The following AK7 variants were observed in gnomAD, a reference collection of about 807,000 sequenced individuals.
AK7 encodes adenylate kinase 7.
In AK7, 78 loss-of-function variants were observed where a neutral mutation model predicts 96.6. The ratio of observed to expected loss-of-function variants is 0.81; its 90% CI spans 0.67 to 0.97. The LOEUF (loss-of-function observed/expected upper bound fraction) is 0.97, where lower values mean the gene tolerates loss of function less well. AK7 is among the 50% of genes least tolerant of loss of function. The pLI is 0.00. For missense variants in AK7, 855 were observed against 887.9 expected, an observed-to-expected ratio of 0.96 and a Z score of 0.47; for synonymous variants, 302 against 317.2, an observed-to-expected ratio of 0.95 and a Z score of 0.51.
At position 96,408,880 on chromosome 14, in the gene AK7, G is replaced by T; in HGVS notation, c.437G>T (p.Arg146Leu). Reference protein sequence around the residue: ...LSEEVSHFEKRKLFILLSTVM... With the variant: ...LSEEVSHFEKLKLFILLSTVM... Reference sequence around the variant, plus strand: ...GAAGAAGTCAGCCACTTTGAAAAGCGAAAGCTATTTATTTTACTGTCGACG... The same window carrying T: ...GAAGAAGTCAGCCACTTTGAAAAGCTAAAGCTATTTATTTTACTGTCGACG... The change falls in exon 4 of 18, where the codon CGA (arginine) becomes CTA (leucine). Residue 146 changes from arginine to leucine, a missense_variant. By Grantham distance (102) the Arg-to-Leu change is moderately radical. Transcript: ENST00000267584. 2 of 1,614,232 alleles carry T rather than the reference G, an allele frequency of 1.2e-6. No homozygotes were observed. Among genetic ancestry groups the T allele is most frequent in the South Asian group, 2.2e-5 (2 of 91,088 alleles).
At chr14:96,412,309 C>T (rs1165600152) in intron 4 of AK7, among the ~76,000 whole-genome samples, 1 of 149,542 alleles carries the variant, frequency 6.7e-6, no homozygotes, top group African/African-American at 2.5e-5. Flanking sequence ...CTCACTGCAA[C>T]CTCCGCCTCC....
chr14:96,474,337 C>T (rs1466585772), intron 14 of AK7, among the ~76,000 whole-genome samples: 1 of 151,286 alleles, frequency 6.6e-6, no homozygotes, highest in Admixed American at 6.6e-5. Context: ...GTTGATTGGC[C>T]AGACACAGTG....
chr14:96,395,800 ATTTTTTTTTTTTTTTT>A (rs1172936912), intron 1 of AK7, among the ~76,000 whole-genome samples: 1 of 69,036 alleles, frequency 1.4e-5, no homozygotes, highest in African/African-American at 5.8e-5. Flanking sequence ...TTGATTTTGA[ATTTTTTTTTTTTTTTT>A]TTTTTTTTTT....
intron 4 of AK7, among the ~76,000 whole-genome samples, chr14:96,413,734 T>C (rs140097433): frequency 1.3e-5 from 2 of 152,356 alleles, no homozygotes; most frequent in African/African-American, 4.8e-5. Flanking sequence ...TTATGCTTAA[T>C]TGAAATCAGT....
At chr14:96,468,263 C>A (rs1362096269) in intron 12 of AK7, among the ~76,000 whole-genome samples, 2 of 143,308 alleles carry the variant, frequency 1.4e-5, no homozygotes, top group Non-Finnish European at 3.0e-5. Context: ...ATGAGGCAGA[C>A]TTCCTACAAA....
At chr14:96,447,016 T>G (rs112395897) in intron 8 of AK7, among the ~76,000 whole-genome samples, 1 of 152,148 alleles carries the variant, frequency 6.6e-6, no homozygotes, top group African/African-American at 2.4e-5. Context: ...CTAACAAAAC[T>G]GGGACTCCTA....
At chr14:96,450,623 T>C (rs1243245456) in intron 9 of AK7, among the ~76,000 whole-genome samples, 4 of 151,774 alleles carry the variant, frequency 2.6e-5, no homozygotes, top group African/African-American at 9.7e-5. Context: ...TGCATTAGAA[T>C]GCAATTCTTT....
At chr14:96,421,013 C>T (rs552051942) in intron 5 of AK7, 81 bp downstream of exon 5, 872 of 974,570 alleles carry the variant, frequency 8.9e-4, no homozygotes, top group Non-Finnish European at 1.2e-3. Context: ...ACTTACCCCA[C>T]GGATGTCTGA....
At chr14:96,424,878 G>A (rs1460543276) in intron 5 of AK7, among the ~76,000 whole-genome samples, 3 of 152,094 alleles carry the variant, frequency 2.0e-5, no homozygotes, top group Non-Finnish European at 4.4e-5. Context: ...TAATTTACAG[G>A]TGGAAAATGT....
At chr14:96,441,827 C>T (rs915632229) in intron 6 of AK7, among the ~76,000 whole-genome samples, 1 of 151,786 alleles carries the variant, frequency 6.6e-6, no homozygotes, top group Non-Finnish European at 1.5e-5. Flanking sequence ...TCAATGTCTC[C>T]CTTCTCTCCA....
intron 5 of AK7, among the ~76,000 whole-genome samples, chr14:96,437,493 C>T (rs184498818): frequency 6.6e-6 from 1 of 152,258 alleles, no homozygotes; most frequent in East Asian, 1.9e-4. Flanking sequence ...GTTTCAGGTA[C>T]TAGATCATTA....
Position 96,449,893 on chromosome 14 carries a change from G to GTT in AK7, c.948+15_948+16insTT, listed in dbSNP as rs747273658. The GTT allele has an allele frequency of 2.9e-6, 4 of 1,393,884 alleles. No homozygotes were observed. The highest frequency in any genetic ancestry group is 2.8e-6 in the Non-Finnish European group (3 of 1,061,294). The allele number at this position is 1,393,884 out of a possible 1,614,324, so 86.3% of individuals were successfully genotyped here. ...AAGGACTTAACGGTTAGTATATGCG[G>GTT]TGTTTTTTTTTTTTTAACTATCTTT... On this transcript the variant is annotated intron_variant, in intron 9 of 17. Transcript: ENST00000267584.
intron 3 of AK7, among the ~76,000 whole-genome samples, chr14:96,408,006 A>G (rs1453214056): frequency 6.6e-6 from 1 of 152,192 alleles, no homozygotes; most frequent in Non-Finnish European, 1.5e-5. Context: ...ACCCTTTGGA[A>G]ATAAAATGCT....
intron 10 of AK7, among the ~76,000 whole-genome samples, chr14:96,454,340 T>C (rs920110669): frequency 6.6e-6 from 1 of 152,190 alleles, no homozygotes; most frequent in African/African-American, 2.4e-5. Context: ...TATATGTTAC[T>C]GATATTTTGA....
At chr14:96,401,707 A>G (rs545153914) in intron 2 of AK7, among the ~76,000 whole-genome samples, 3 of 152,220 alleles carry the variant, frequency 2.0e-5, no homozygotes, top group East Asian at 1.9e-4. Flanking sequence ...GAAAGGTGAG[A>G]ATGGAAACCG....
At chr14:96,454,273 T>C (rs1487095287) in intron 10 of AK7, among the ~76,000 whole-genome samples, 1 of 152,202 alleles carries the variant, frequency 6.6e-6, no homozygotes, top group Admixed American at 6.6e-5. Flanking sequence ...AAAATTTACC[T>C]TGCAAAATAT....
At chr14:96,449,776 C>T in intron 8 of AK7, 26 bp from the exon 9 acceptor site, 3 of 1,560,548 alleles carry the variant, frequency 1.9e-6, no homozygotes, top group Non-Finnish European at 2.6e-6. Context: ...GGTAAACCAA[C>T]TAATATTTCG....
chr14:96,465,778 G>A (rs2140143185), intron 12 of AK7, among the ~76,000 whole-genome samples: 1 of 152,158 alleles, frequency 6.6e-6, no homozygotes, highest in East Asian at 1.9e-4. Context: ...TTGGGAGGCC[G>A]AGGCAGGCAG....
rs11424079 is a variant in AK7 at position 96,449,895 on chromosome 14, G to GTT, written c.948+28_948+29dup. 87,196 of 1,175,752 alleles carry GTT rather than the reference G, an allele frequency of 0.074. 263 individuals carry two copies. The highest frequency in any genetic ancestry group is 0.096 in the East Asian group (3,141 of 32,724). The allele number at this position is 1,175,752 out of a possible 1,614,324, so 72.8% of individuals were successfully genotyped here. A position where few individuals can be genotyped will look rare whatever the true frequency, so the allele number is the denominator to read the frequency against. The stretch of plus-strand genomic sequence containing the variant: ...GGACTTAACGGTTAGTATATGCGGT[G>GTT]TTTTTTTTTTTTTAACTATCTTTCT... On this transcript the variant is annotated intron_variant, in intron 9 of 17. Transcript: ENST00000267584.
Sources: allele counts gnomAD v4.1 joint callset (sites outside exome capture counted in the v4.1 genomes callset), GRCh38; gene constraint gnomAD v4.1.1; transcripts MANE v1.5; gene names NCBI Gene and HGNC (gene_info 2026-07-23, HGNC 2026-07-21).